Variants in SGIP1 observed in about 807,000 individuals in gnomAD.
SGIP1 encodes SH3-containing GRB2-like protein 3-interacting protein 1.
A neutral mutation model predicts 107.5 loss-of-function variants in SGIP1; 38 were observed. The observed-to-expected ratio is 0.35, with a 90% confidence interval of 0.27 to 0.46. The LOEUF (loss-of-function observed/expected upper bound fraction) is 0.46. Among genes scored for constraint, SGIP1 ranks in the 20% least tolerant of loss-of-function variants. The pLI is 1.00. For missense variants in SGIP1, 929 were observed against 1,019.5 expected, an observed-to-expected ratio of 0.91 and a Z score of 1.21; for synonymous variants, 365 against 366.1, an observed-to-expected ratio of 1.00 and a Z score of 0.03.
At chr1:66,585,029 C>T (rs1341140301) in intron 1 of SGIP1, among the ~76,000 whole-genome samples, 1 of 152,206 alleles carries the variant, frequency 6.6e-6, no homozygotes, top group East Asian at 1.9e-4. Context: ...ACATTTCTAC[C>T]TGGAAGTCTT....
intron 1 of SGIP1, among the ~76,000 whole-genome samples, chr1:66,559,759 A>C (rs1036924975): frequency 6.6e-6 from 1 of 152,070 alleles, no homozygotes; most frequent in African/African-American, 2.4e-5. Flanking sequence ...AGCCCCAAGC[A>C]AACATCTCAC....
intron 1 of SGIP1, among the ~76,000 whole-genome samples, chr1:66,606,880 G>A (rs1331412716): frequency 6.6e-6 from 1 of 152,192 alleles, no homozygotes; most frequent in Non-Finnish European, 1.5e-5. Flanking sequence ...ATATGTTCTT[G>A]CCTGTATTTT....
chr1:66,625,715 A>G, intron 1 of SGIP1, 132 bp from the exon 2 acceptor site: 2 of 677,582 alleles, frequency 3.0e-6, no homozygotes, highest in Non-Finnish European at 2.5e-6. Flanking sequence ...AGACACACAT[A>G]CCTTTACATA....
intron 1 of SGIP1, among the ~76,000 whole-genome samples, chr1:66,592,255 CT>C (rs1244996466): frequency 6.6e-6 from 1 of 152,134 alleles, no homozygotes; most frequent in Non-Finnish European, 1.5e-5. Context: ...TCTTTGTGGC[CT>C]TCCGCAGTGT....
intron 19 of SGIP1, among the ~76,000 whole-genome samples, chr1:66,722,274 G>C (rs1299452430): frequency 2.0e-5 from 3 of 152,088 alleles, no homozygotes; most frequent in African/African-American, 7.2e-5. Flanking sequence ...ATTTATCAAA[G>C]AGACCTTCTT....
intron 15 of SGIP1, 97 bp from the exon 16 acceptor site, chr1:66,689,047 CAAAA>C (rs35898963): frequency 7.7e-3 from 9,325 of 1,204,704 alleles, no homozygotes; most frequent in East Asian, 0.026. Flanking sequence ...ACTGCCAAGG[CAAAA>C]AAAAAAAAAA....
rs180999767 is a variant in SGIP1 at position 66,544,949 on chromosome 1, A to G, written c.10+10581A>G. On this transcript the variant is annotated intron_variant, in intron 1 of 24. Transcript: ENST00000371037. Reference sequence around the variant, plus strand: ...AAGAACTATGTCTACCAGGTAGCCAAGCTAGAGTCACTGCTTGGATTAATT... The same window carrying G: ...AAGAACTATGTCTACCAGGTAGCCAGGCTAGAGTCACTGCTTGGATTAATT... Among the ~76,000 whole-genome samples the G allele has an allele frequency of 4.8e-3, 734 of 152,248 alleles. 8 individuals are homozygous for G. The highest frequency in any genetic ancestry group is 4.1e-3 in the Non-Finnish European group (277 of 68,000).
intron 24 of SGIP1, 62 bp downstream of exon 24, chr1:66,741,498 G>A: frequency 8.4e-6 from 12 of 1,427,150 alleles, no homozygotes; most frequent in Non-Finnish European, 1.1e-5. Flanking sequence ...ACTCTTAAGA[G>A]GAATAGGTTG....
chr1:66,634,008 C>A, intron 3 of SGIP1: 1 of 1,356,386 alleles, frequency 7.4e-7, no homozygotes, highest in Non-Finnish European at 1.0e-6. Flanking sequence ...GTGGTTCTTA[C>A]CATGAAATGT....
chr1:66,637,754 T>G (rs1366595663), intron 4 of SGIP1, among the ~76,000 whole-genome samples: 1 of 151,234 alleles, frequency 6.6e-6, no homozygotes, highest in Non-Finnish European at 1.5e-5. Context: ...TCTGTGTGTG[T>G]GTATAGGTAT....
chr1:66,543,326 A>T (rs890676189), intron 1 of SGIP1, among the ~76,000 whole-genome samples: 4 of 152,166 alleles, frequency 2.6e-5, no homozygotes, highest in Non-Finnish European at 5.9e-5. Flanking sequence ...CTGATATTTT[A>T]TGAAAGCTGT....
chr1:66,739,868 G>T (rs947955789), intron 22 of SGIP1, among the ~76,000 whole-genome samples: 1 of 152,204 alleles, frequency 6.6e-6, no homozygotes, highest in Non-Finnish European at 1.5e-5. Flanking sequence ...AGCCACAGCT[G>T]TAATTCCGAT....
At chr1:66,627,511 G>A (rs1214189064) in intron 2 of SGIP1, among the ~76,000 whole-genome samples, 1 of 152,084 alleles carries the variant, frequency 6.6e-6, no homozygotes, top group Non-Finnish European at 1.5e-5. Flanking sequence ...ATAGGCAGTG[G>A]GCCACCTTGA....
chr1:66,621,777 C>A (rs2071203441), intron 1 of SGIP1, among the ~76,000 whole-genome samples: 1 of 152,158 alleles, frequency 6.6e-6, no homozygotes, highest in Admixed American at 6.5e-5. Flanking sequence ...TGTATAAGTA[C>A]TTTTTTCCTT....
chr1:66,642,774 G>A (rs777975143), intron 5 of SGIP1, 36 bp from the exon 6 acceptor site: 27 of 1,563,086 alleles, frequency 1.7e-5, no homozygotes, highest in Non-Finnish European at 1.6e-5. Flanking sequence ...TCACTGTTAG[G>A]ATAATAATTA....
At chr1:66,596,481 G>T (rs1426738194) in intron 1 of SGIP1, among the ~76,000 whole-genome samples, 10 of 152,064 alleles carry the variant, frequency 6.6e-5, no homozygotes, top group Non-Finnish European at 1.5e-4. Flanking sequence ...GGGCACAACA[G>T]TGTAGAAAAA....
At chr1:66,651,371 G>A (rs1267917391) in intron 7 of SGIP1, among the ~76,000 whole-genome samples, 2 of 152,096 alleles carry the variant, frequency 1.3e-5, no homozygotes, top group African/African-American at 2.4e-5. Context: ...TATCTCACTC[G>A]AAGCATCACA....
intron 1 of SGIP1, among the ~76,000 whole-genome samples, chr1:66,621,415 C>A (rs536661572): frequency 3.9e-5 from 6 of 152,302 alleles, no homozygotes; most frequent in Non-Finnish European, 7.4e-5. Flanking sequence ...CTGGCTTGAA[C>A]TATTCCATTT....
chr1:66,584,036 C>A (rs2062191319), intron 1 of SGIP1, among the ~76,000 whole-genome samples: 1 of 151,998 alleles, frequency 6.6e-6, no homozygotes, highest in Non-Finnish European at 1.5e-5. Context: ...TAAGTAGAAT[C>A]CTTAGAGGCC....
Sources: gnomAD v4.1 joint callset for allele counts (sites outside exome capture counted in the v4.1 genomes callset) on GRCh38, gnomAD v4.1.1 for gene constraint, MANE v1.5 for transcripts, NCBI Gene and HGNC (gene_info 2026-07-23, HGNC 2026-07-21) for gene names.